CACNA1C: variants seen among roughly 807,000 people sequenced by gnomAD.
CACNA1C encodes the protein calcium voltage-gated channel subunit alpha1 C.
In CACNA1C, 30 loss-of-function variants were observed where a neutral mutation model predicts 229.0. That is an observed-to-expected ratio of 0.13 (90% confidence interval 0.10 to 0.18). The LOEUF (loss-of-function observed/expected upper bound fraction) is 0.18, where lower values mean the gene tolerates loss of function less well. Among genes scored for constraint, CACNA1C ranks in the 10% least tolerant of loss-of-function variants. The pLI is 1.00. For synonymous variants in CACNA1C, 1,114 were observed against 1,132.5 expected, an observed-to-expected ratio of 0.98 and a Z score of 0.33; for missense variants, 1,658 against 2,845.0, an observed-to-expected ratio of 0.58 and a Z score of 9.49.
chr12:1,974,275 AC>A (rs2033565314), intron 1 of CACNA1C, among the ~76,000 whole-genome samples: 1 of 152,160 alleles, frequency 6.6e-6, no homozygotes, highest in South Asian at 2.1e-4. Context: ...AATTGATTAC[AC>A]CTTCTACCAG....
Position 2,635,297 on chromosome 12 carries a change from A to G in CACNA1C, c.3912+917A>G, listed in dbSNP as rs531442799. 1.1e-4 allele frequency among the ~76,000 whole-genome samples: 16 copies of G among 152,274 alleles called. No homozygotes were observed. The South Asian group carries it at 3.3e-3, about 32-fold the overall frequency. ...CTATACAGTTCCTACCAGTTCCTGC[A>G]CATGTCTTTTCTGTTACCTGGCATG... On this transcript the variant is annotated intron_variant, in intron 30 of 46. Transcript: ENST00000399655.
chr12:2,630,784 C>T lies in CACNA1C; in HGVS notation c.3829-3513C>T, dbSNP rs527746597. Among the ~76,000 whole-genome samples the T allele has an allele frequency of 6.6e-6, 1 of 152,182 alleles. No individual in the cohort carries two copies. Among genetic ancestry groups the T allele is most frequent in the Non-Finnish European group, 1.5e-5 (1 of 68,034 alleles). On this transcript the variant is annotated intron_variant, in intron 29 of 46. Transcript: ENST00000399655. This position sits in a 1 kb window ranked among gnomAD's most constrained non-coding sequence, Gnocchi z 5.4. ...GAACCTGGTTGGTTTCTGCAGCTCC[C>T]AGGTAGTGTGCCACCAAACAGATGT...
chr12:2,147,241 A>C (rs1340795457), intron 3 of CACNA1C, among the ~76,000 whole-genome samples: 1 of 151,410 alleles, frequency 6.6e-6, no homozygotes, highest in Admixed American at 6.6e-5. Flanking sequence ...AATTTAGATT[A>C]AATTTCAAGA....
intron 3 of CACNA1C, among the ~76,000 whole-genome samples, chr12:2,189,349 G>A (rs955761766): frequency 7.9e-5 from 12 of 152,142 alleles, no homozygotes; most frequent in Admixed American, 5.2e-4. Flanking sequence ...GCACCAAATG[G>A]CTACCAGAGG....
chr12:2,143,992 A>G (rs1188074135), intron 3 of CACNA1C, among the ~76,000 whole-genome samples: 1 of 151,268 alleles, frequency 6.6e-6, no homozygotes, highest in Non-Finnish European at 1.5e-5. Context: ...TGAATTTATA[A>G]TCACTGGTAT....
chr12:2,298,442 GCA>G lies in CACNA1C; in HGVS notation c.478-150532_478-150531del, dbSNP rs200999889. On this transcript the variant is annotated intron_variant, in intron 3 of 46. Transcript: ENST00000399655. Reference sequence around the variant, plus strand: ...GCCTCCCAAGTAGCTGGGATTACAGGCACGCACCACCACACTCAGCTAATTTT... The same window carrying G: ...GCCTCCCAAGTAGCTGGGATTACAGGCGCACCACCACACTCAGCTAATTTT... Among the ~76,000 whole-genome samples, 1,065 of 152,294 alleles carry G rather than the reference GCA, an allele frequency of 7.0e-3. 7 individuals are homozygous for G. Among genetic ancestry groups the G allele is most frequent in the Non-Finnish European group, 0.011 (770 of 68,026 alleles).
intron 9 of CACNA1C, among the ~76,000 whole-genome samples, chr12:2,527,093 A>T (rs1268450667): frequency 6.6e-6 from 1 of 152,224 alleles, no homozygotes; most frequent in Non-Finnish European, 1.5e-5. Context: ...GGATATTAAG[A>T]CATTTTAAAA....
At chr12:2,526,950 AG>A (rs1365750292) in intron 9 of CACNA1C, among the ~76,000 whole-genome samples, 1 of 152,230 alleles carries the variant, frequency 6.6e-6, no homozygotes, top group East Asian at 1.9e-4. Flanking sequence ...AGAAATTTAA[AG>A]GTTTATGCTT....
intron 1 of CACNA1C, among the ~76,000 whole-genome samples, chr12:2,087,145 G>T (rs1362225624): frequency 6.6e-6 from 1 of 151,992 alleles, no homozygotes; most frequent in Non-Finnish European, 1.5e-5. Flanking sequence ...CTCTTTTCTT[G>T]CTGGCCTGTC....
intron 3 of CACNA1C, among the ~76,000 whole-genome samples, chr12:2,266,805 C>T (rs553242638): frequency 4.6e-5 from 7 of 152,296 alleles, no homozygotes; most frequent in South Asian, 2.1e-4. Context: ...AGTAAGGGCT[C>T]GAGCTGGGCA....
intron 38 of CACNA1C, 114 bp downstream of exon 38, chr12:2,669,149 C>T (rs1169433448): frequency 2.6e-6 from 2 of 783,056 alleles, no homozygotes; most frequent in Non-Finnish European, 4.6e-6. Context: ...AGACAGCATC[C>T]GAGCTGGGAT....
intron 13 of CACNA1C, among the ~76,000 whole-genome samples, chr12:2,578,012 G>T (rs1335035328): frequency 2.6e-5 from 4 of 151,480 alleles, no homozygotes; most frequent in Non-Finnish European, 5.9e-5. Flanking sequence ...GGGACTACAG[G>T]CGCCCGCTAC....
rs1313666931 is a variant in CACNA1C, at chr12:2,665,332, C to T, written c.4399-249C>T. ...GGATAAAGTCCCCCTCTGTCCTGCACAGCCCTGCCCAGCAGCTCGGTAGGA... is the reference window on the plus strand; with the variant it reads ...GGATAAAGTCCCCCTCTGTCCTGCATAGCCCTGCCCAGCAGCTCGGTAGGA... On this transcript the variant is annotated intron_variant, in intron 35 of 46. Coordinates refer to ENST00000399655, the MANE Select transcript of CACNA1C (RefSeq NM_000719.7). This position sits in a 1 kb window ranked among gnomAD's most constrained non-coding sequence, Gnocchi z 5.9. Among the ~76,000 whole-genome samples the T allele has an allele frequency of 6.6e-6, 1 of 152,238 alleles. No individual in the cohort carries two copies.
At position 2,195,871 on chromosome 12, in the gene CACNA1C, A is replaced by G. The variant is rs535394561; in HGVS notation, c.477+75441A>G. ...CAGTGACCACTTAGTCCACTCCTTCATTTTATGTCAGCATCCCTGGAGATC... is the reference window on the plus strand; with the variant it reads ...CAGTGACCACTTAGTCCACTCCTTCGTTTTATGTCAGCATCCCTGGAGATC... On this transcript the variant is annotated intron_variant, in intron 3 of 46. Transcript: ENST00000399655. Among the ~76,000 whole-genome samples, 4 of 152,278 alleles carry G rather than the reference A, an allele frequency of 2.6e-5. No individual in the cohort carries two copies. In the South Asian group the frequency reaches 6.2e-4, roughly 24 times the overall value.
At chr12:2,643,234 G>T (rs561826021) in intron 30 of CACNA1C, among the ~76,000 whole-genome samples, 1 of 152,348 alleles carries the variant, frequency 6.6e-6, no homozygotes, top group African/African-American at 2.4e-5. Context: ...AAACACAAAA[G>T]CCCGTGGGTT....
chr12:2,426,262 T>C (rs1180413260), intron 3 of CACNA1C, among the ~76,000 whole-genome samples: 1 of 152,122 alleles, frequency 6.6e-6, no homozygotes, highest in Non-Finnish European at 1.5e-5. Context: ...GGACTGGCAA[T>C]CTAATTGAGA....
At chr12:2,300,874 C>T (rs560842220) in intron 3 of CACNA1C, among the ~76,000 whole-genome samples, 1 of 152,250 alleles carries the variant, frequency 6.6e-6, no homozygotes, top group African/African-American at 2.4e-5. Flanking sequence ...CAGGAAACTA[C>T]AAGCAAATCC....
At chr12:2,267,168 G>T (rs935577533) in intron 3 of CACNA1C, among the ~76,000 whole-genome samples, 4 of 152,166 alleles carry the variant, frequency 2.6e-5, no homozygotes, top group Non-Finnish European at 5.9e-5. Flanking sequence ...GGCCCACGGT[G>T]GGCGCTTAAG....
chr12:2,280,487 T>G (rs12301991), intron 3 of CACNA1C, among the ~76,000 whole-genome samples: 62 of 73,164 alleles, frequency 8.5e-4, no homozygotes, highest in African/African-American at 1.2e-3. Flanking sequence ...AACCTCTTGA[T>G]ACCTTGCTGT....
Sources: allele counts gnomAD v4.1 joint callset (sites outside exome capture counted in the v4.1 genomes callset), GRCh38; gene constraint gnomAD v4.1.1; non-coding constraint Gnocchi (gnomAD v3.1); transcripts MANE v1.5; gene names NCBI Gene and HGNC (gene_info 2026-07-23, HGNC 2026-07-21).